RNF150: variants seen among roughly 807,000 people sequenced by gnomAD.
RNF150 encodes ring finger protein 150.
In RNF150, 24 loss-of-function variants were observed where a neutral mutation model predicts 39.3. The observed-to-expected ratio is 0.61, with a 90% CI of 0.44 to 0.86. The LOEUF is 0.86. RNF150 is among the 40% of genes least tolerant of loss of function. The pLI is 0.00. For missense variants in RNF150, 502 were observed against 587.8 expected (o/e 0.85, Z 1.51); for synonymous variants, 255 against 227.3 (o/e 1.12, Z -1.10).
chr4:141,022,206 T>C (rs1055354249), intron 1 of RNF150, among the ~76,000 whole-genome samples: 1 of 152,110 alleles, frequency 6.6e-6, no homozygotes, highest in Non-Finnish European at 1.5e-5. Context: ...CTCTTTGCAC[T>C]GGGTTTTTTT....
intron 1 of RNF150, among the ~76,000 whole-genome samples, chr4:140,985,461 C>T (rs1234447079): frequency 6.6e-6 from 1 of 152,058 alleles, no homozygotes; most frequent in African/African-American, 2.4e-5. Flanking sequence ...AGAGAGCATT[C>T]ACTGAGATAT....
intron 1 of RNF150, among the ~76,000 whole-genome samples, chr4:140,977,230 T>C (rs1180157035): frequency 6.6e-6 from 1 of 152,150 alleles, no homozygotes; most frequent in Non-Finnish European, 1.5e-5. Flanking sequence ...TGTGCCTCCT[T>C]CTCTTGTTAC....
chr4:141,145,563 T>G (rs1727186900), intron 1 of RNF150, among the ~76,000 whole-genome samples: 1 of 152,188 alleles, frequency 6.6e-6, no homozygotes, highest in Non-Finnish European at 1.5e-5. Flanking sequence ...ATAGTATAGC[T>G]GACCATTTAG....
chr4:140,995,031 A>C (rs1488386688), intron 1 of RNF150, among the ~76,000 whole-genome samples: 1 of 152,134 alleles, frequency 6.6e-6, no homozygotes, highest in Non-Finnish European at 1.5e-5. Flanking sequence ...ATGTCTGATA[A>C]ATTATTGACT....
In RNF150 at chr4:141,150,358, C is replaced by T. The variant is rs117213190; in HGVS notation, c.-6+62436G>A. Among the ~76,000 whole-genome samples, 135 of 152,278 alleles carry T rather than the reference C, an allele frequency of 8.9e-4. 4 individuals carry two copies. The East Asian group carries it at 0.021, about 24-fold the overall frequency. On this transcript the variant is annotated intron_variant, in intron 1 of 7. Transcript: ENST00000420921. Reference sequence around the variant, plus strand: ...TTCATACTCATATCCAATGTCTCACCAAGTACATCAGATTCCGATGGCTTC... The same window carrying T: ...TTCATACTCATATCCAATGTCTCACTAAGTACATCAGATTCCGATGGCTTC...
At chr4:141,164,842 A>C (rs1727573351) in intron 1 of RNF150, among the ~76,000 whole-genome samples, 1 of 152,144 alleles carries the variant, frequency 6.6e-6, no homozygotes, top group African/African-American at 2.4e-5. Context: ...CCACTGCAAA[A>C]ATATACCAAA....
At chr4:141,085,967 G>C (rs769336827) in intron 1 of RNF150, among the ~76,000 whole-genome samples, 2 of 151,800 alleles carry the variant, frequency 1.3e-5, no homozygotes, top group Non-Finnish European at 2.9e-5. Context: ...TTAATAGGAA[G>C]AGTTTGAAGA....
intron 5 of RNF150, among the ~76,000 whole-genome samples, chr4:140,913,922 AC>A (rs2111282498): frequency 6.6e-6 from 1 of 152,358 alleles, no homozygotes; most frequent in South Asian, 2.1e-4. Context: ...GATATGCTAT[AC>A]ACAGGTGTTT....
At chr4:141,150,575 T>C (rs1199154484) in intron 1 of RNF150, among the ~76,000 whole-genome samples, 1 of 152,208 alleles carries the variant, frequency 6.6e-6, no homozygotes, top group Non-Finnish European at 1.5e-5. Flanking sequence ...TAGCATTCCA[T>C]CTCTCTTAGA....
At chr4:141,121,086 A>T (rs575967491) in intron 1 of RNF150, among the ~76,000 whole-genome samples, 1 of 152,268 alleles carries the variant, frequency 6.6e-6, no homozygotes, top group African/African-American at 2.4e-5. Flanking sequence ...ACATGCTCAG[A>T]GTCACCCCTT....
intron 1 of RNF150, among the ~76,000 whole-genome samples, chr4:140,991,259 T>C (rs529306558): frequency 1.3e-5 from 2 of 152,204 alleles, no homozygotes; most frequent in Non-Finnish European, 2.9e-5. Context: ...CTTTGTCAGA[T>C]GGACAGATTG....
intron 2 of RNF150, among the ~76,000 whole-genome samples, chr4:140,963,327 C>T (rs962234443): frequency 6.6e-6 from 1 of 152,012 alleles, no homozygotes; most frequent in Non-Finnish European, 1.5e-5. Flanking sequence ...TAAGAATCAG[C>T]TAATTCCAGT....
intron 1 of RNF150, among the ~76,000 whole-genome samples, chr4:141,194,857 G>A (rs1368254798): frequency 1.3e-5 from 2 of 152,096 alleles, no homozygotes; most frequent in Non-Finnish European, 2.9e-5. Context: ...ACTTCATCTT[G>A]TGCTTCAGTT....
intron 4 of RNF150, among the ~76,000 whole-genome samples, chr4:140,938,368 C>T (rs1214680941): frequency 6.6e-6 from 1 of 152,066 alleles, no homozygotes; most frequent in African/African-American, 2.4e-5. Context: ...GAGTGAGAGG[C>T]TGCCCTAGCC....
intron 1 of RNF150, among the ~76,000 whole-genome samples, chr4:140,983,466 T>C (rs1733924602): frequency 6.6e-6 from 1 of 152,134 alleles, no homozygotes; most frequent in South Asian, 2.1e-4. Context: ...TGCATGTCTT[T>C]TTTGATACTT....
intron 1 of RNF150, among the ~76,000 whole-genome samples, chr4:141,050,960 C>T (rs755509528): frequency 8.5e-5 from 13 of 152,284 alleles, no homozygotes; most frequent in Non-Finnish European, 1.3e-4. Flanking sequence ...CCCTGATGGC[C>T]CTGTCCCTGT....
chr4:141,000,087 GAGAAGAAGA>G (rs138129349), intron 1 of RNF150, among the ~76,000 whole-genome samples: 1 of 35,930 alleles, frequency 2.8e-5, no homozygotes, highest in African/African-American at 1.2e-4. Flanking sequence ...GAAGAAGAAG[GAGAAGAAGA>G]AGAAGAAGAA....
chr4:141,071,032 C>T (rs1737676544), intron 1 of RNF150, among the ~76,000 whole-genome samples: 1 of 126,602 alleles, frequency 7.9e-6, no homozygotes, highest in African/African-American at 2.9e-5. Context: ...CACATATACA[C>T]CATGGAATAC....
intron 1 of RNF150, among the ~76,000 whole-genome samples, chr4:141,039,677 C>T (rs1736285420): frequency 1.3e-5 from 2 of 152,034 alleles, no homozygotes; most frequent in Non-Finnish European, 2.9e-5. Flanking sequence ...AGAAACGACC[C>T]TCACTCAAGC....
Sources: gnomAD v4.1 joint callset for allele counts (sites outside exome capture counted in the v4.1 genomes callset) on GRCh38, gnomAD v4.1.1 for gene constraint, MANE v1.5 for transcripts, NCBI Gene and HGNC (gene_info 2026-07-23, HGNC 2026-07-21) for gene names.